NID1: variants seen among roughly 807,000 people sequenced by gnomAD.
NID1 encodes nidogen 1.
A neutral mutation model predicts 130.6 loss-of-function variants in NID1; 76 were observed. That is an observed-to-expected ratio of 0.58 (90% CI 0.48 to 0.70). NID1 has a LOEUF of 0.70. Ranked by LOEUF, NID1 falls within the 30% of genes least tolerant of loss-of-function variation. The pLI is 0.00. For synonymous variants in NID1, 665 were observed against 675.1 expected (o/e 0.98, Z 0.23); for missense variants, 1,517 against 1,664.8 (o/e 0.91, Z 1.54).
chr1:236,058,130 C>T (rs1208333722), intron 1 of NID1, among the ~76,000 whole-genome samples: 1 of 152,112 alleles, frequency 6.6e-6, no homozygotes, highest in Admixed American at 6.5e-5. Context: ...CAAATATTGC[C>T]TAGGTGAGGT....
chr1:236,026,137 G>T lies in NID1; in HGVS notation c.1743C>A (p.Ile581=). 1 of 1,613,656 alleles carries T rather than the reference G, an allele frequency of 6.2e-7. No homozygotes were observed. The highest frequency in any genetic ancestry group is 1.1e-5 in the South Asian group (1 of 90,960). ...TELYHYSTSV[I]TSSSTREYTV... is the part of the protein sequence containing the mutation. ...TGTACTCCCGGGTGGAGGAGGAAGT[G>T]ATCACTGCAGAGTGGGAAGGATGGA... Residue 581 remains isoleucine (I), a synonymous_variant, in exon 8 of 20, where the codon ATC becomes ATA. Coordinates refer to ENST00000264187, the MANE Select transcript of NID1 (RefSeq NM_002508.3).
intron 7 of NID1, among the ~76,000 whole-genome samples, chr1:236,026,836 T>A (rs760676856): frequency 1.3e-5 from 2 of 151,832 alleles, no homozygotes; most frequent in African/African-American, 2.4e-5. Context: ...CCCCCTGGGT[T>A]CAAGCGATTC....
rs975147465 is a variant in NID1, at chr1:235,996,927, C to T, written c.2528-3055G>A. On this transcript the variant is annotated intron_variant, in intron 12 of 19. Coordinates refer to ENST00000264187, the MANE Select transcript of NID1 (RefSeq NM_002508.3). ...TCGGCTCACTGCAAACTCTGCCTCC[C>T]GGGTTCAAGCGATTCTCCTACCTCA... Among the ~76,000 whole-genome samples the T allele has an allele frequency of 6.6e-5, 10 of 152,036 alleles. No individual in the cohort carries two copies. In the South Asian group the frequency reaches 8.3e-4, roughly 13 times the overall value.
At chr1:236,014,560 A>G (rs1205874406) in intron 10 of NID1, among the ~76,000 whole-genome samples, 1 of 151,944 alleles carries the variant, frequency 6.6e-6, no homozygotes, top group African/African-American at 2.4e-5. Flanking sequence ...CCTCTGTGAC[A>G]CTCACCTCCT....
chr1:236,038,563 A>G (rs1379882325), intron 4 of NID1, among the ~76,000 whole-genome samples: 1 of 152,082 alleles, frequency 6.6e-6, no homozygotes, highest in African/African-American at 2.4e-5. Context: ...ATGTTAGATT[A>G]GTGCTATCCA....
At position 236,011,995 on chromosome 1, in the gene NID1, T is replaced by C; in HGVS notation, c.2453A>G (p.Tyr818Cys). 1 of 1,614,200 alleles carries C rather than the reference T, an allele frequency of 6.2e-7. No individual in the cohort carries two copies. The highest frequency in any genetic ancestry group is 8.5e-7 in the Non-Finnish European group (1 of 1,179,998). Residue 818 changes from tyrosine (Y) to cysteine (C), a missense_variant, in exon 12 of 20, where the codon TAC becomes TGC. Tyr to Cys is a radical substitution (Grantham distance 194). Coordinates refer to ENST00000264187, the MANE Select transcript of NID1 (RefSeq NM_002508.3). The part of the protein sequence containing the change: ...PSRCHPDAFC[Y>C]NTPGSFTCQC... ...GCACGTGAAAGAGCCTGGAGTGTTGTAGCAGAAGGCGTCAGGGTGACATCG... is the reference window on the plus strand; with the variant it reads ...GCACGTGAAAGAGCCTGGAGTGTTGCAGCAGAAGGCGTCAGGGTGACATCG...
At chr1:236,041,827 C>T in intron 4 of NID1, 83 bp downstream of exon 4, 2 of 1,501,100 alleles carry the variant, frequency 1.3e-6, no homozygotes, top group Non-Finnish European at 1.8e-6. Flanking sequence ...GTAATGCTCA[C>T]AACTGACATC....
chr1:236,038,071 C>G, intron 5 of NID1, 33 bp downstream of exon 5: 7 of 1,577,022 alleles, frequency 4.4e-6, no homozygotes, highest in Middle Eastern at 1.7e-4. Flanking sequence ...TCCTCCTTCT[C>G]CCGCATGAAA....
Position 236,025,931 on chromosome 1 carries a change from C to T in NID1, c.1949G>A (p.Arg650His), listed in dbSNP as rs761790846. The T allele has an allele frequency of 1.1e-5, 18 of 1,614,006 alleles. No homozygotes were observed. Among genetic ancestry groups the T allele is most frequent in the South Asian group, 3.3e-5 (3 of 91,060 alleles). ...CCCAATGGAGTTGCTGAGAGCATAG[C>T]GCAAGATCTTCTCCTCCTGGTTGTA... ...VLYNQEEKIL[R>H]YALSNSIGPV... The change falls in exon 8 of 20, where the codon CGC becomes CAC. Residue 650 changes from arginine (R) to histidine (H), a missense_variant. By Grantham distance (29) the Arg-to-His change is conservative. This residue lies in a region of NID1 where 1,329 missense variants were observed against 1,429.2 expected (regional missense o/e 0.93). Coordinates refer to ENST00000264187, the MANE Select transcript of NID1 (RefSeq NM_002508.3).
chr1:236,054,276 T>C (rs1659838536), intron 1 of NID1, among the ~76,000 whole-genome samples: 1 of 152,128 alleles, frequency 6.6e-6, no homozygotes, highest in African/African-American at 2.4e-5. Flanking sequence ...GCCAACATGG[T>C]GAAACCCTGT....
Position 235,980,617 on chromosome 1 carries a change from G to C in NID1, c.3264C>G (p.Pro1088=), listed in dbSNP as rs1452366466. The change falls in exon 17 of 20, where the codon CCC becomes CCG. Residue 1088 remains proline (P), a synonymous_variant. Transcript: ENST00000264187. ...CGTCCATGTAGGAAGTTTCAATCTTGGGGTTATCTCTGTTCCAGTCTGTCC... is the reference window on the plus strand; with the variant it reads ...CGTCCATGTAGGAAGTTTCAATCTTCGGGTTATCTCTGTTCCAGTCTGTCC... The part of the protein sequence containing the change: ...LYWTDWNRDN[P]KIETSYMDGT... 14 of 1,614,058 alleles carry C rather than the reference G, an allele frequency of 8.7e-6. No homozygotes were observed. The South Asian group carries it at 1.1e-4, about 13-fold the overall frequency.
chr1:236,025,416 C>T lies in NID1; in HGVS notation c.1984+480G>A, dbSNP rs74460248. Among the ~76,000 whole-genome samples, 395 of 152,082 alleles carry T rather than the reference C, an allele frequency of 2.6e-3. 1 individual carries two copies. Among genetic ancestry groups the T allele is most frequent in the African/African-American group, 8.7e-3 (360 of 41,490 alleles). On this transcript the variant is annotated intron_variant, in intron 8 of 19. Transcript: ENST00000264187. ...AGCTGGGATTTCAGGCACGTGCCAT[C>T]ATGCCTGGCTAATTTTTGTATTTTT...
chr1:236,028,183 C>T (rs1280856634), intron 7 of NID1, among the ~76,000 whole-genome samples: 1 of 152,112 alleles, frequency 6.6e-6, no homozygotes, highest in Non-Finnish European at 1.5e-5. Context: ...AGTAGAATCA[C>T]ACAGATTCCT....
intron 1 of NID1, among the ~76,000 whole-genome samples, chr1:236,052,922 T>A (rs1659803585): frequency 6.6e-6 from 1 of 152,182 alleles, no homozygotes; most frequent in Admixed American, 6.5e-5. Flanking sequence ...AATGAATGAA[T>A]ACAAATGATC....
intron 5 of NID1, 40 bp from the exon 6 acceptor site, chr1:236,032,692 C>T (rs780772818): frequency 1.3e-6 from 2 of 1,599,262 alleles, no homozygotes; most frequent in Non-Finnish European, 1.7e-6. Flanking sequence ...AGATCACTTC[C>T]AAGCCAGTCT....
rs1659125324 is a variant in NID1 at position 236,032,442 on chromosome 1, G to A, written c.1496C>T (p.Ala499Val). ...PVGGIIGWMF[A>V]VEQDGFKNGF... ...ATTCTTGAATCCGTCCTGCTCCACT[G>A]CAAACATCCATCCAATGATGCCTCC... is the stretch of plus-strand genomic sequence containing the variant. Residue 499 changes from alanine (A) to valine (V), a missense_variant, in exon 6 of 20, where the codon GCA becomes GTA. By Grantham distance (64) the Ala-to-Val change is moderately conservative. Transcript: ENST00000264187. The A allele has an allele frequency of 6.2e-7, 1 of 1,613,974 alleles. No individual in the cohort carries two copies. Among genetic ancestry groups the A allele is most frequent in the Non-Finnish European group, 8.5e-7 (1 of 1,180,038 alleles).
chr1:236,063,153 C>CAAAAAAAAAAAAAA (rs57769010), intron 1 of NID1, among the ~76,000 whole-genome samples: 2 of 79,694 alleles, frequency 2.5e-5, no homozygotes, highest in African/African-American at 1.3e-4. Flanking sequence ...GACTTCATCT[C>CAAAAAAAAAAAAAA]AAAAAAAAAA....
chr1:235,999,039 G>C (rs544747419), intron 12 of NID1, among the ~76,000 whole-genome samples: 4 of 152,316 alleles, frequency 2.6e-5, no homozygotes, highest in Admixed American at 2.6e-4. Flanking sequence ...CCAGTGCTTA[G>C]ACGGCTCCCT....
intron 7 of NID1, 106 bp downstream of exon 7, chr1:236,029,444 T>A: frequency 9.2e-7 from 1 of 1,086,818 alleles, no homozygotes; most frequent in South Asian, 1.5e-5. Context: ...TGTATTTCCC[T>A]CTCCAGATCC....
Sources: allele counts gnomAD v4.1 joint callset (sites outside exome capture counted in the v4.1 genomes callset), GRCh38; gene constraint gnomAD v4.1.1; regional missense constraint gnomAD v4.1.1; transcripts MANE v1.5; gene names NCBI Gene and HGNC (gene_info 2026-07-23, HGNC 2026-07-21).